Variants in GRID2 observed in about 807,000 individuals in gnomAD.
GRID2 encodes the protein glutamate ionotropic receptor delta type subunit 2.
GRID2 carries 33 observed loss-of-function variants against 114.8 expected under a neutral mutation model. The ratio of observed to expected loss-of-function variants is 0.29; its 90% CI spans 0.22 to 0.38. The LOEUF (loss-of-function observed/expected upper bound fraction) is 0.38. Ranked by LOEUF, GRID2 falls within the 10% of genes least tolerant of loss-of-function variation. The pLI is 1.00. For missense variants in GRID2, 1,184 were observed against 1,257.7 expected (o/e 0.94, Z 0.89); for synonymous variants, 505 against 449.9 (o/e 1.12, Z -1.55).
intron 13 of GRID2, among the ~76,000 whole-genome samples, chr4:93,592,968 G>C (rs1163465529): frequency 6.6e-6 from 1 of 151,048 alleles, no homozygotes; most frequent in African/African-American, 2.4e-5. Context: ...CGTGAGATGG[G>C]TTTCCTGAAT....
intron 2 of GRID2, among the ~76,000 whole-genome samples, chr4:92,785,931 C>T (rs2149361295): frequency 6.6e-6 from 1 of 151,836 alleles, no homozygotes; most frequent in East Asian, 1.9e-4. Flanking sequence ...AGGGTTGGAA[C>T]ATATGATTTA....
chr4:93,369,104 G>T (rs547190492), intron 8 of GRID2, among the ~76,000 whole-genome samples: 1 of 152,264 alleles, frequency 6.6e-6, no homozygotes, highest in African/African-American at 2.4e-5. Context: ...GAGGCCAAAA[G>T]TTCACAAGCA....
At chr4:92,673,586 C>A (rs960334410) in intron 2 of GRID2, among the ~76,000 whole-genome samples, 1 of 152,044 alleles carries the variant, frequency 6.6e-6, no homozygotes, top group African/African-American at 2.4e-5. Context: ...TTAGGTGAAA[C>A]CACTTTTATT....
intron 1 of GRID2, among the ~76,000 whole-genome samples, chr4:92,564,801 GAATGTC>G (rs1053697051): frequency 1.1e-4 from 16 of 151,968 alleles, no homozygotes; most frequent in Admixed American, 1.1e-3. Context: ...AAACTATTTG[GAATGTC>G]ATATATTTAT....
intron 1 of GRID2, among the ~76,000 whole-genome samples, chr4:92,500,969 C>A (rs1723655517): frequency 6.6e-6 from 1 of 152,080 alleles, no homozygotes; most frequent in African/African-American, 2.4e-5. Flanking sequence ...CTTATCTTTA[C>A]AGCTCTGGTT....
intron 1 of GRID2, among the ~76,000 whole-genome samples, chr4:92,370,449 A>C (rs1729067160): frequency 6.6e-6 from 1 of 152,110 alleles, no homozygotes; most frequent in Admixed American, 6.6e-5. Flanking sequence ...CAGGAGTTCA[A>C]GACCAGCCTG....
intron 12 of GRID2, among the ~76,000 whole-genome samples, chr4:93,510,214 T>C (rs1196738162): frequency 6.6e-6 from 1 of 152,076 alleles, no homozygotes; most frequent in Admixed American, 6.6e-5. Context: ...CCATAGAAAA[T>C]GGGATTAGAC....
chr4:92,408,108 A>C (rs955545230), intron 1 of GRID2, among the ~76,000 whole-genome samples: 3 of 152,176 alleles, frequency 2.0e-5, no homozygotes, highest in African/African-American at 7.2e-5. Flanking sequence ...TAATTTTCAT[A>C]TATGGTGAGA....
chr4:93,551,868 T>C (rs1192396494), intron 13 of GRID2, among the ~76,000 whole-genome samples: 2 of 152,172 alleles, frequency 1.3e-5, no homozygotes, highest in African/African-American at 2.4e-5. Context: ...AGCTGAAATA[T>C]TTAAATGTGT....
At chr4:92,753,172 A>G (rs536074542) in intron 2 of GRID2, among the ~76,000 whole-genome samples, 3 of 152,290 alleles carry the variant, frequency 2.0e-5, no homozygotes, top group African/African-American at 7.2e-5. Context: ...TGAAACCAAT[A>G]AATATCACCA....
chr4:93,535,635 T>G (rs1731981361), intron 13 of GRID2, among the ~76,000 whole-genome samples: 1 of 152,090 alleles, frequency 6.6e-6, no homozygotes, highest in African/African-American at 2.4e-5. Context: ...TGATTTGCAT[T>G]TCCCTATTGA....
chr4:93,156,426 G>C (rs1259514935), intron 4 of GRID2, among the ~76,000 whole-genome samples: 1 of 151,570 alleles, frequency 6.6e-6, no homozygotes, highest in East Asian at 1.9e-4. Flanking sequence ...CATAATAGTA[G>C]GAACAAGGAA....
chr4:93,478,045 T>A (rs1725487468), intron 11 of GRID2, among the ~76,000 whole-genome samples: 1 of 152,130 alleles, frequency 6.6e-6, no homozygotes, highest in Admixed American at 6.6e-5. Flanking sequence ...CAAATTGTAA[T>A]GTAGCCCACC....
rs560141874 is a variant in GRID2 at position 93,772,141 on chromosome 4, C to A, written c.2667C>A (p.Asp889Glu). ...TAAATAGCTTGTGCACAGATGACGA[C>A]AGCCCCCATAAACAGTTTTCCACCT... ...RRVNSLCTDD[D>E]SPHKQFSTSS... Residue 889 changes from aspartate (D) to glutamate (E), a missense_variant, in exon 16 of 16, where the codon GAC becomes GAA. Physicochemically the swap from Asp to Glu is conservative, Grantham distance 45. Transcript: ENST00000282020. 1.2e-6 allele frequency: 2 copies of A among 1,612,428 alleles called. No homozygotes were observed. The highest frequency in any genetic ancestry group is 4.5e-5 in the East Asian group (2 of 44,860).
chr4:93,119,632 T>C (rs1733597564), intron 4 of GRID2, among the ~76,000 whole-genome samples: 1 of 152,232 alleles, frequency 6.6e-6, no homozygotes, highest in Non-Finnish European at 1.5e-5. Context: ...CTTGTATTCC[T>C]TAAACATACT....
intron 14 of GRID2, among the ~76,000 whole-genome samples, chr4:93,662,543 T>C (rs879293576): frequency 6.6e-6 from 1 of 152,082 alleles, no homozygotes; most frequent in African/African-American, 2.4e-5. Flanking sequence ...CTCTGAAACA[T>C]AAATAAACGT....
exon 2 of GRID2, chr4:93,807,658 GAT>G (rs1330177295): frequency 7.1e-6 from 1 of 140,510 alleles, no homozygotes; most frequent in Non-Finnish European, 1.6e-5. Flanking sequence ...CCAGCGCTAA[GAT>G]AAGTTTGTTT....
At chr4:92,991,972 G>A (rs578094904) in intron 2 of GRID2, among the ~76,000 whole-genome samples, 1 of 152,258 alleles carries the variant, frequency 6.6e-6, no homozygotes, top group East Asian at 1.9e-4. Context: ...TATGTGAGGG[G>A]AATAAGAGGT....
chr4:92,494,867 G>A (rs899274944), intron 1 of GRID2, among the ~76,000 whole-genome samples: 2 of 151,866 alleles, frequency 1.3e-5, no homozygotes, highest in African/African-American at 4.8e-5. Flanking sequence ...AAAATACAAA[G>A]AAAATTATTG....
Sources: gnomAD v4.1 joint callset for allele counts (sites outside exome capture counted in the v4.1 genomes callset) on GRCh38, gnomAD v4.1.1 for gene constraint, MANE v1.5 for transcripts, NCBI Gene and HGNC (gene_info 2026-07-23, HGNC 2026-07-21) for gene names.